Variants in QSER1 observed in about 807,000 individuals in gnomAD.
QSER1 encodes glutamine and serine rich 1.
In QSER1, 49 loss-of-function variants were observed where a neutral mutation model predicts 158.5. The ratio of observed to expected loss-of-function variants is 0.31; its 90% confidence interval spans 0.25 to 0.39. The LOEUF is 0.39. QSER1 is among the 10% of genes least tolerant of loss of function. The pLI, the probability that QSER1 is intolerant of heterozygous loss-of-function variation, is 1.00. For missense variants in QSER1, 1,754 were observed against 2,010.3 expected, an observed-to-expected ratio of 0.87 and a Z score of 2.44; for synonymous variants, 650 against 715.5, an observed-to-expected ratio of 0.91 and a Z score of 1.46.
chr11:32,973,920 T>C (rs933525787), intron 11 of QSER1, among the ~76,000 whole-genome samples: 1 of 152,232 alleles, frequency 6.6e-6, no homozygotes, highest in African/African-American at 2.4e-5. Flanking sequence ...CATTAACATA[T>C]GCATTACTTG....
At chr11:32,957,002 C>T (rs1256784119) in intron 7 of QSER1, among the ~76,000 whole-genome samples, 7 of 151,972 alleles carry the variant, frequency 4.6e-5, no homozygotes, top group Non-Finnish European at 8.8e-5. Context: ...TGGGCTCAAG[C>T]AATTTGCCTG....
Position 32,928,054 on chromosome 11 carries a change from C to T in QSER1, c.415C>T (p.Arg139Ter), listed in dbSNP as rs1329544880. 3.1e-6 allele frequency: 5 copies of T among 1,613,538 alleles called. No homozygotes were observed. The highest frequency in any genetic ancestry group is 2.2e-5 in the South Asian group (2 of 91,066). The change falls in exon 3 of 13, where the codon CGA becomes TGA. Residue 139 changes from arginine (R) to a stop codon, truncating the protein, a stop_gained. Transcript: ENST00000650167. LOFTEE classifies it high-confidence loss of function. ...GAATTTTCTGTCTACTGCTGAATCC[C>T]GAACTGCTCAGGCTGCTGCTTCAGG... ...VMNFLSTAES[R>*]TAQAAASGTT...
chr11:32,930,277 T>C (rs750875803), intron 3 of QSER1, among the ~76,000 whole-genome samples: 1 of 152,178 alleles, frequency 6.6e-6, no homozygotes, highest in Non-Finnish European at 1.5e-5. Flanking sequence ...AGTTTCCTAA[T>C]TGCTAGAACA....
At chr11:32,973,155 C>A (rs1011418444) in intron 10 of QSER1, among the ~76,000 whole-genome samples, 3 of 152,186 alleles carry the variant, frequency 2.0e-5, no homozygotes, top group Non-Finnish European at 2.9e-5. Context: ...AAATAGATTA[C>A]ATATCCAATA....
At chr11:32,972,418 T>TGC (rs1852881823) in intron 10 of QSER1, among the ~76,000 whole-genome samples, 2 of 145,468 alleles carry the variant, frequency 1.4e-5, no homozygotes, top group African/African-American at 5.4e-5. Flanking sequence ...TATTTATTTA[T>TGC]TTATTTATTT....
chr11:32,934,201 T>A lies in QSER1; in HGVS notation c.2943T>A (p.Asp981Glu), dbSNP rs773653114. 4 of 1,613,876 alleles carry A rather than the reference T, an allele frequency of 2.5e-6. No individual in the cohort carries two copies. In the South Asian group the frequency reaches 4.4e-5, roughly 18 times the overall value. The change falls in exon 4 of 13, where the codon GAT becomes GAA. Residue 981 changes from aspartate (D) to glutamate (E), a missense_variant. Asp to Glu is a conservative substitution (Grantham distance 45). Coordinates refer to ENST00000650167, the MANE Select transcript of QSER1 (RefSeq NM_001076786.3). ...AAAGAAATATTTTATCAAATGTAGA[T>A]GATATCTTAGCAGCTACAGCAGCAG... Reference protein sequence around the residue: ...SDERNILSNVDDILAATAAAC... With the variant: ...SDERNILSNVEDILAATAAAC...
At chr11:32,918,799 A>C (rs1280733400) in intron 1 of QSER1, among the ~76,000 whole-genome samples, 1 of 151,952 alleles carries the variant, frequency 6.6e-6, no homozygotes. Flanking sequence ...CCCCCCAAAA[A>C]CCCCTGATAT....
chr11:32,913,112 T>C (rs948725354), intron 1 of QSER1, among the ~76,000 whole-genome samples: 7 of 151,074 alleles, frequency 4.6e-5, no homozygotes, highest in African/African-American at 7.3e-5. Flanking sequence ...TAGGTCTTCA[T>C]ATATGTGATT....
At chr11:32,966,757 T>A (rs1407888252) in intron 9 of QSER1, among the ~76,000 whole-genome samples, 1 of 152,224 alleles carries the variant, frequency 6.6e-6, no homozygotes, top group Non-Finnish European at 1.5e-5. Flanking sequence ...CAGTATATTT[T>A]ATTTTCCAAT....
In QSER1 at chr11:32,923,685, A is replaced by G. The variant is rs1193700422; in HGVS notation, c.210-3472A>G. Among the ~76,000 whole-genome samples the G allele has an allele frequency of 3.0e-5, 4 of 134,812 alleles. No homozygotes were observed. The East Asian group carries it at 9.2e-4, about 31-fold the overall frequency. 88.4% of individuals were successfully genotyped at this position (134,812 alleles called of 152,430 possible). On this transcript the variant is annotated intron_variant, in intron 1 of 12. Transcript: ENST00000650167. ...AGAGTGAGACTCTTGTCTCAAAAAAAAAGGCCGGGCACGGTGGCTCACACC... is the reference window on the plus strand; with the variant it reads ...AGAGTGAGACTCTTGTCTCAAAAAAGAAGGCCGGGCACGGTGGCTCACACC...
chr11:32,934,915 G>A lies in QSER1; in HGVS notation c.3657G>A (p.Gln1219=). 2 of 1,613,736 alleles carry A rather than the reference G, an allele frequency of 1.2e-6. No individual in the cohort carries two copies. Among genetic ancestry groups the A allele is most frequent in the South Asian group, 2.2e-5 (2 of 91,038 alleles). ...TTAAAGAGGAAGACAACAGTAATCA[G>A]AAACAGCTGAAAAGACCTGCCCAAG... is the stretch of plus-strand genomic sequence containing the variant. ...GQVKEEDNSN[Q]KQLKRPAQGK... is the part of the protein sequence containing the mutation. The change falls in exon 4 of 13, where the codon CAG becomes CAA. Residue 1219 remains glutamine (Q), a synonymous_variant. Transcript: ENST00000650167.
chr11:32,923,094 C>G (rs879441322), intron 1 of QSER1, among the ~76,000 whole-genome samples: 10 of 152,128 alleles, frequency 6.6e-5, no homozygotes, highest in South Asian at 6.2e-4. Context: ...TACAACCATG[C>G]AATGGAATAC....
Position 32,979,355 on chromosome 11 carries a change from T to A in QSER1, c.*2881T>A, listed in dbSNP as rs772049566. The A allele has an allele frequency of 2.9e-4, 44 of 152,626 alleles. No individual in the cohort carries two copies. The highest frequency in any genetic ancestry group is 5.4e-4 in the Non-Finnish European group (37 of 68,040). The allele number at this position is 152,626 out of a possible 1,614,324, so 9.5% of individuals were successfully genotyped here. A position where few individuals can be genotyped will look rare whatever the true frequency, so the allele number is the denominator to read the frequency against. On this transcript the variant is annotated 3_prime_UTR_variant, in exon 13 of 13. Transcript: ENST00000650167. ...CCTACCTTTAGAGATCTAAAAAAAA[T>A]TTAATATAAAAAATCATTTTGTGTT...
At chr11:32,945,882 C>T (rs1372043312) in intron 4 of QSER1, among the ~76,000 whole-genome samples, 27 of 151,556 alleles carry the variant, frequency 1.8e-4, no homozygotes, top group Admixed American at 1.4e-3. Flanking sequence ...ACCAATCAGA[C>T]GTAGATTTGG....
chr11:32,975,140 T>C lies in QSER1; in HGVS notation c.5359-108T>C, dbSNP rs1474095597. The C allele has an allele frequency of 4.6e-6, 3 of 650,038 alleles. No homozygotes were observed. The African/African-American group carries it at 5.5e-5, about 12-fold the overall frequency. The allele number at this position is 650,038 out of a possible 1,614,324, so 40.3% of individuals were successfully genotyped here. A position where few individuals can be genotyped will look rare whatever the true frequency, so the allele number is the denominator to read the frequency against. On this transcript the variant is annotated intron_variant, in intron 11 of 12. Coordinates refer to ENST00000650167, the MANE Select transcript of QSER1 (RefSeq NM_001076786.3). ...ACCCAACTGAATACCTACCCATATA[T>C]GTCATTTTCAACATTGCCATTGAGA...
At chr11:32,931,265 G>A (rs762332705) in intron 3 of QSER1, among the ~76,000 whole-genome samples, 3 of 151,994 alleles carry the variant, frequency 2.0e-5, no homozygotes, top group Non-Finnish European at 4.4e-5. Context: ...TGATATCATT[G>A]TAACTTCATT....
Position 32,910,416 on chromosome 11 carries a change from T to C in QSER1, c.210-16741T>C, listed in dbSNP as rs188191402. 2.6e-5 allele frequency among the ~76,000 whole-genome samples: 4 copies of C among 152,346 alleles called. No individual in the cohort carries two copies. The East Asian group carries it at 5.8e-4, about 22-fold the overall frequency. On this transcript the variant is annotated intron_variant, in intron 1 of 12. Transcript: ENST00000650167. ...CCCCAGTGCCTTGCTCATTGCCTGGTACATAATATCTAATATTTGTTGAAT... is the reference window on the plus strand; with the variant it reads ...CCCCAGTGCCTTGCTCATTGCCTGGCACATAATATCTAATATTTGTTGAAT...
At chr11:32,948,422 T>C (rs1159143807) in intron 4 of QSER1, among the ~76,000 whole-genome samples, 2 of 152,204 alleles carry the variant, frequency 1.3e-5, no homozygotes, top group African/African-American at 4.8e-5. Context: ...CTAAAGACTA[T>C]ACTTTTTAGC....
Position 32,933,521 on chromosome 11 carries a change from C to T in QSER1, c.2263C>T (p.Leu755=), listed in dbSNP as rs781734284. 1 of 1,612,864 alleles carries T rather than the reference C, an allele frequency of 6.2e-7. No individual in the cohort carries two copies. Among genetic ancestry groups the T allele is most frequent in the Admixed American group, 1.7e-5 (1 of 59,800 alleles). ...TGAAGATCAAGTTATTGGGGTTGCT[C>T]TGCAAGCATCAAAAAAAGAAGAAAG... ...RLEDQVIGVA[L]QASKKEESVV... The change falls in exon 4 of 13, where the codon CTG becomes TTG. Residue 755 remains leucine (L), a synonymous_variant. Coordinates refer to ENST00000650167, the MANE Select transcript of QSER1 (RefSeq NM_001076786.3).
Sources: allele counts gnomAD v4.1 joint callset (sites outside exome capture counted in the v4.1 genomes callset), GRCh38; gene constraint gnomAD v4.1.1; transcripts MANE v1.5; gene names NCBI Gene and HGNC (gene_info 2026-07-23, HGNC 2026-07-21).